The following LRIG2 variants were observed in gnomAD, a reference collection of about 807,000 sequenced individuals.
LRIG2 encodes leucine-rich repeats and immunoglobulin-like domains protein 2.
A neutral mutation model predicts 107.8 loss-of-function variants in LRIG2; 93 were observed. The observed-to-expected ratio is 0.86, with a 90% confidence interval of 0.73 to 1.03. The LOEUF is 1.03. Ranked by LOEUF, LRIG2 falls within the 50% of genes least tolerant of loss-of-function variation. LRIG2 has a pLI of 0.00. For synonymous variants in LRIG2, 471 were observed against 470.6 expected (o/e 1.00, Z -0.01); for missense variants, 1,226 against 1,296.0 (o/e 0.95, Z 0.83).
chr1:113,087,185 C>T (rs1653592486), intron 1 of LRIG2, among the ~76,000 whole-genome samples: 1 of 152,076 alleles, frequency 6.6e-6, no homozygotes, highest in African/African-American at 2.4e-5. Flanking sequence ...AGAGAGTTCT[C>T]CATTTCAGGA....
At chr1:113,120,429 C>T (rs1200219331) in intron 17 of LRIG2, among the ~76,000 whole-genome samples, 1 of 151,000 alleles carries the variant, frequency 6.6e-6, no homozygotes, top group African/African-American at 2.4e-5. Flanking sequence ...GCCTGGGCAA[C>T]AGAGTGAGAC....
chr1:113,096,012 C>A lies in LRIG2; in HGVS notation c.942C>A (p.Ser314=), dbSNP rs772910591. ...CATGGGAGTTCTGCCAAAGACTATCCGAACTGTAAGTGTTGGATAGCATTT... is the reference window on the plus strand; with the variant it reads ...CATGGGAGTTCTGCCAAAGACTATCAGAACTGTAAGTGTTGGATAGCATTT... ...PDAWEFCQRL[S]ELDLSYNQLT... Residue 314 remains serine (S), a synonymous_variant, in exon 7 of 18, where the codon TCC becomes TCA. Transcript: ENST00000361127. 1 of 1,613,976 alleles carries A rather than the reference C, an allele frequency of 6.2e-7. No individual in the cohort carries two copies. The highest frequency in any genetic ancestry group is 1.3e-5 in the African/African-American group (1 of 74,900).
At chr1:113,095,477 C>T (rs758605240) in intron 6 of LRIG2, among the ~76,000 whole-genome samples, 1 of 151,784 alleles carries the variant, frequency 6.6e-6, no homozygotes, top group Non-Finnish European at 1.5e-5. Flanking sequence ...GGCACAGTCT[C>T]GGCTCACTGC....
intron 1 of LRIG2, among the ~76,000 whole-genome samples, chr1:113,087,595 C>A (rs1050894555): frequency 6.6e-6 from 1 of 152,152 alleles, no homozygotes; most frequent in Non-Finnish European, 1.5e-5. Context: ...GCGATCCACC[C>A]ACCTCGGCCT....
chr1:113,098,633 A>AC, intron 8 of LRIG2, 72 bp from the exon 9 acceptor site: 1 of 901,550 alleles, frequency 1.1e-6, no homozygotes. Flanking sequence ...ACATCACCAT[A>AC]CCAGGATACT....
chr1:113,113,264 C>T (rs1654850033), intron 14 of LRIG2, among the ~76,000 whole-genome samples: 1 of 146,552 alleles, frequency 6.8e-6, no homozygotes, highest in South Asian at 2.1e-4. Flanking sequence ...CTTTCCTTTT[C>T]AGTGTGTTCT....
chr1:113,121,517 G>T (rs891272123), intron 17 of LRIG2, among the ~76,000 whole-genome samples: 3 of 152,072 alleles, frequency 2.0e-5, no homozygotes, highest in African/African-American at 7.2e-5. Flanking sequence ...GCTGACACGG[G>T]TGGATCATGA....
intron 9 of LRIG2, 66 bp from the exon 10 acceptor site, chr1:113,100,145 A>G: frequency 1.1e-6 from 1 of 948,352 alleles, no homozygotes; most frequent in South Asian, 1.8e-5. Context: ...TTTTATAGGT[A>G]AATGTTTAAT....
At chr1:113,085,547 G>C (rs1430195175) in intron 1 of LRIG2, among the ~76,000 whole-genome samples, 2 of 152,198 alleles carry the variant, frequency 1.3e-5, no homozygotes, top group Non-Finnish European at 2.9e-5. Flanking sequence ...GCTTCCCAAA[G>C]TGCTGGGATT....
chr1:113,083,997 T>TATG (rs1553226372), intron 1 of LRIG2, among the ~76,000 whole-genome samples: 1 of 125,706 alleles, frequency 8.0e-6, no homozygotes, highest in Non-Finnish European at 1.7e-5. Context: ...GAACTTAAAG[T>TATG]ATAATAATAA....
At chr1:113,121,532 A>G (rs1039904209) in intron 17 of LRIG2, among the ~76,000 whole-genome samples, 1 of 151,944 alleles carries the variant, frequency 6.6e-6, no homozygotes, top group African/African-American at 2.4e-5. Context: ...TCATGAGGTC[A>G]GGAGTTCGAG....
rs139869442 is a variant in LRIG2, at chr1:113,093,542, C to G, written c.493C>G (p.Pro165Ala). Residue 165 changes from proline (P) to alanine (A), a missense_variant, in exon 4 of 18, where the codon CCT (proline) becomes GCT (alanine). Coordinates refer to ENST00000361127, the MANE Select transcript of LRIG2 (RefSeq NM_014813.3). The stretch of plus-strand genomic sequence containing the variant: ...ATCAGAAATCAAGACATCTTCATTT[C>G]CTCGCATGCAGCTTAAATACCTGTA... ...IISEIKTSSF[P>A]RMQLKYLNLS... The G allele has an allele frequency of 3.1e-6, 5 of 1,600,986 alleles. No homozygotes were observed. Among genetic ancestry groups the G allele is most frequent in the Non-Finnish European group, 3.4e-6 (4 of 1,174,236 alleles).
rs1487204118 is a variant in LRIG2 at position 113,098,791 on chromosome 1, T to C, written c.1172+6T>C. 6 of 1,549,252 alleles carry C rather than the reference T, an allele frequency of 3.9e-6. No individual in the cohort carries two copies. The African/African-American group carries it at 6.8e-5, about 18-fold the overall frequency. ...CTCACAAGTCTCACTAAACTGTATGTATTATAATATTTATGTATGTCTACA... is the reference window on the plus strand; with the variant it reads ...CTCACAAGTCTCACTAAACTGTATGCATTATAATATTTATGTATGTCTACA... On this transcript the variant is annotated splice_donor_region_variant and intron_variant, in intron 9 of 17. Coordinates refer to ENST00000361127, the MANE Select transcript of LRIG2 (RefSeq NM_014813.3).
intron 1 of LRIG2, among the ~76,000 whole-genome samples, chr1:113,085,521 T>A (rs1229837798): frequency 6.6e-6 from 1 of 152,218 alleles, no homozygotes; most frequent in Non-Finnish European, 1.5e-5. Flanking sequence ...TGACCTCAGG[T>A]GATCCGCCCG....
intron 8 of LRIG2, among the ~76,000 whole-genome samples, chr1:113,097,141 A>G (rs1332230551): frequency 6.6e-6 from 1 of 151,794 alleles, no homozygotes; most frequent in Non-Finnish European, 1.5e-5. Context: ...TATTCAATTT[A>G]CAGAATATAA....
intron 12 of LRIG2, among the ~76,000 whole-genome samples, chr1:113,108,600 G>T (rs1654638351): frequency 6.6e-6 from 1 of 151,728 alleles, no homozygotes; most frequent in South Asian, 2.1e-4. Flanking sequence ...CTTTAGGCCG[G>T]GCACTGTGGC....
chr1:113,096,051 T>C, intron 7 of LRIG2, 34 bp downstream of exon 7: 1 of 1,613,582 alleles, frequency 6.2e-7, no homozygotes, highest in Non-Finnish European at 8.5e-7. Context: ...TGGAGGCAGT[T>C]AAGACTAGAG....
chr1:113,100,237 C>A lies in LRIG2; in HGVS notation c.1199C>A (p.Ser400Ter). 6.3e-7 allele frequency: 1 copy of A among 1,586,770 alleles called. No homozygotes were observed. Among genetic ancestry groups the A allele is most frequent in the South Asian group, 1.1e-5 (1 of 87,738 alleles). ...KLILQGNQIKSITKKAFIGLE... is the reference protein window; with the variant it reads ...KLILQGNQIK ...ATCTTACAAGGAAACCAGATTAAGT[C>A]AATTACAAAGAAAGCATTCATTGGT... Residue 400 changes from serine to a stop codon, truncating the protein, a stop_gained, in exon 10 of 18, where the codon TCA becomes TAA. Coordinates refer to ENST00000361127, the MANE Select transcript of LRIG2 (RefSeq NM_014813.3). LOFTEE classifies it high-confidence loss of function.
At chr1:113,096,477 TG>T in intron 8 of LRIG2, 112 bp downstream of exon 8, 1 of 1,169,560 alleles carries the variant, frequency 8.6e-7, no homozygotes, top group South Asian at 1.5e-5. Context: ...TAACATTTTG[TG>T]GTTCTTCTGT....
Sources: gnomAD v4.1 joint callset for allele counts (sites outside exome capture counted in the v4.1 genomes callset) on GRCh38, gnomAD v4.1.1 for gene constraint, MANE v1.5 for transcripts, NCBI Gene and HGNC (gene_info 2026-07-23, HGNC 2026-07-21) for gene names.